CAMTA1: variants seen among roughly 807,000 people sequenced by gnomAD.
CAMTA1 encodes the protein calmodulin-binding transcription activator 1.
In CAMTA1, 27 loss-of-function variants were observed where a neutral mutation model predicts 170.9. That is an observed-to-expected ratio of 0.16 (90% CI 0.12 to 0.22). The LOEUF is 0.22. Ranked by LOEUF, CAMTA1 falls within the 10% of genes least tolerant of loss-of-function variation. The pLI is 1.00. For synonymous variants in CAMTA1, 833 were observed against 891.5 expected, an observed-to-expected ratio of 0.93 and a Z score of 1.17; for missense variants, 1,619 against 2,217.2, an observed-to-expected ratio of 0.73 and a Z score of 5.42.
chr1:7,520,791 T>C (rs2094355473), intron 6 of CAMTA1, among the ~76,000 whole-genome samples: 5 of 152,174 alleles, frequency 3.3e-5, no homozygotes, highest in Admixed American at 3.3e-4. Context: ...GATGTTGGTA[T>C]TGGCTTCTTC....
chr1:6,896,706 G>T (rs540752073), intron 3 of CAMTA1, among the ~76,000 whole-genome samples: 2 of 152,230 alleles, frequency 1.3e-5, no homozygotes, highest in East Asian at 3.9e-4. Flanking sequence ...GGAACCCTTT[G>T]CATCAGCTTC....
intron 3 of CAMTA1, among the ~76,000 whole-genome samples, chr1:7,012,691 A>G (rs961820040): frequency 1.3e-4 from 20 of 152,048 alleles, no homozygotes; most frequent in African/African-American, 1.7e-4. Flanking sequence ...GCCACCTCAC[A>G]CTGGCTTCCT....
At chr1:7,745,168 C>T (rs570306836) in intron 17 of CAMTA1, 146 bp downstream of exon 17, 320 of 703,546 alleles carry the variant, frequency 4.5e-4, no homozygotes, top group East Asian at 4.9e-4. Flanking sequence ...TCTGTTGCCA[C>T]TTTCAAGGCC....
intron 11 of CAMTA1, among the ~76,000 whole-genome samples, chr1:7,724,205 CA>C (rs199559578): frequency 0.01 from 1,544 of 152,310 alleles, 25 homozygotes; most frequent in African/African-American, 0.035. Flanking sequence ...AAACTAAACA[CA>C]ATGCGGGATC....
At chr1:7,237,233 G>A (rs1664048345) in intron 4 of CAMTA1, among the ~76,000 whole-genome samples, 1 of 152,200 alleles carries the variant, frequency 6.6e-6, no homozygotes, top group African/African-American at 2.4e-5. Context: ...AAGGGGTGCT[G>A]CAAGTAACAG....
chr1:6,892,597 CTTTTTTT>C (rs70984032), intron 3 of CAMTA1, among the ~76,000 whole-genome samples: 43 of 120,848 alleles, frequency 3.6e-4, no homozygotes, highest in African/African-American at 7.9e-4. Context: ...TTTTTCTTTT[CTTTTTTT>C]TTTTTTTTTT....
rs145797717 is a variant in CAMTA1 at position 7,049,849 on chromosome 1, G to A, written c.235-41455G>A. ...CATGACTTAGTGTGTGTCAGGCACT[G>A]TCCTGGACACTAGGATGTGGTGGTT... is the stretch of plus-strand genomic sequence containing the variant. On this transcript the variant is annotated intron_variant, in intron 3 of 22. Coordinates refer to ENST00000303635, the MANE Select transcript of CAMTA1 (RefSeq NM_015215.4). Among the ~76,000 whole-genome samples the A allele has an allele frequency of 2.6e-3, 391 of 152,332 alleles. 2 individuals are homozygous for A. Among genetic ancestry groups the A allele is most frequent in the African/African-American group, 7.9e-3 (329 of 41,566 alleles).
rs2094501594 is a variant in CAMTA1 at position 7,532,312 on chromosome 1, T to G, written c.510+64411T>G. On this transcript the variant is annotated intron_variant, in intron 6 of 22. Coordinates refer to ENST00000303635, the MANE Select transcript of CAMTA1 (RefSeq NM_015215.4). The surrounding 1 kb of genome is among the most constrained non-coding windows in gnomAD (Gnocchi z 4.2). ...TCAGCTTCTTTCATTTCTTTCTATTTTTTTTTTAGAGACAGATTTCACTCT... is the reference window on the plus strand; with the variant it reads ...TCAGCTTCTTTCATTTCTTTCTATTGTTTTTTTAGAGACAGATTTCACTCT... Among the ~76,000 whole-genome samples, 1 of 152,182 alleles carries G rather than the reference T, an allele frequency of 6.6e-6. No homozygotes were observed. The highest frequency in any genetic ancestry group is 1.9e-4 in the East Asian group (1 of 5,188).
At chr1:6,911,191 T>TG (rs1384554552) in intron 3 of CAMTA1, among the ~76,000 whole-genome samples, 2 of 151,902 alleles carry the variant, frequency 1.3e-5, no homozygotes, top group African/African-American at 4.8e-5. Flanking sequence ...TCCTTGAACG[T>TG]GGTGAGGACG....
At chr1:7,524,744 G>A (rs2094410085) in intron 6 of CAMTA1, among the ~76,000 whole-genome samples, 1 of 152,116 alleles carries the variant, frequency 6.6e-6, no homozygotes, top group Non-Finnish European at 1.5e-5. Flanking sequence ...ACCATACCCA[G>A]GACTGCTTTT....
chr1:7,553,660 C>T (rs897987783), intron 6 of CAMTA1, among the ~76,000 whole-genome samples: 1 of 152,222 alleles, frequency 6.6e-6, no homozygotes, highest in Non-Finnish European at 1.5e-5. Context: ...AGAAACTTCC[C>T]TGGTTTAAGC....
intron 11 of CAMTA1, among the ~76,000 whole-genome samples, chr1:7,695,052 T>C (rs1005572205): frequency 2.0e-5 from 3 of 152,202 alleles, no homozygotes; most frequent in African/African-American, 7.2e-5. Context: ...ATGATGTTTA[T>C]TATGACATCA....
chr1:7,590,601 C>T (rs1466525396), intron 6 of CAMTA1, among the ~76,000 whole-genome samples: 1 of 152,206 alleles, frequency 6.6e-6, no homozygotes. Flanking sequence ...TTGGGGTGGG[C>T]GGTTGGCTGA....
At chr1:7,515,223 A>T (rs1406225007) in intron 6 of CAMTA1, among the ~76,000 whole-genome samples, 3 of 152,148 alleles carry the variant, frequency 2.0e-5, no homozygotes, top group Admixed American at 1.3e-4. Context: ...GGATCATCCC[A>T]GGTGTCCCCT....
At chr1:6,907,252 C>T (rs1678710973) in intron 3 of CAMTA1, among the ~76,000 whole-genome samples, 1 of 152,130 alleles carries the variant, frequency 6.6e-6, no homozygotes, top group African/African-American at 2.4e-5. Context: ...TGCTGAGTCG[C>T]CAGACATCTG....
intron 22 of CAMTA1, among the ~76,000 whole-genome samples, chr1:7,764,002 G>A (rs569469078): frequency 6.6e-6 from 1 of 152,346 alleles, no homozygotes; most frequent in East Asian, 1.9e-4. Flanking sequence ...ATGTCCAGAA[G>A]CGAAGTTGGC....
At chr1:7,497,453 C>A (rs908960570) in intron 6 of CAMTA1, among the ~76,000 whole-genome samples, 2 of 152,216 alleles carry the variant, frequency 1.3e-5, no homozygotes. Flanking sequence ...CAAGGCACGG[C>A]CCATCTAGAG....
At chr1:7,703,256 A>G (rs919141976) in intron 11 of CAMTA1, among the ~76,000 whole-genome samples, 2 of 152,030 alleles carry the variant, frequency 1.3e-5, no homozygotes, top group Admixed American at 1.3e-4. Flanking sequence ...GAGGAGTTGC[A>G]TAGCAAAGGT....
rs191610791 is a variant in CAMTA1 at position 7,079,109 on chromosome 1, C to T, written c.235-12195C>T. Among the ~76,000 whole-genome samples the T allele has an allele frequency of 1.1e-3, 160 of 152,230 alleles. 1 individual carries two copies. The highest frequency in any genetic ancestry group is 7.3e-3 in the South Asian group (35 of 4,820). ...GGAGGTATTTGCATTCTGACCAGCC[C>T]GACTGGGGAGCTGTCCTTGAATATT... On this transcript the variant is annotated intron_variant, in intron 3 of 22. Transcript: ENST00000303635.
Sources: allele counts gnomAD v4.1 joint callset (sites outside exome capture counted in the v4.1 genomes callset), GRCh38; gene constraint gnomAD v4.1.1; non-coding constraint Gnocchi (gnomAD v3.1); transcripts MANE v1.5; gene names NCBI Gene and HGNC (gene_info 2026-07-23, HGNC 2026-07-21).